COL6A1: variants seen among roughly 807,000 people sequenced by gnomAD.
The protein encoded by COL6A1 is collagen type VI alpha 1 chain.
In COL6A1, 80 loss-of-function variants were observed where a neutral mutation model predicts 145.6. The ratio of observed to expected loss-of-function variants is 0.55; its 90% CI spans 0.46 to 0.66. The LOEUF (loss-of-function observed/expected upper bound fraction) is 0.66, where lower values mean the gene tolerates loss of function less well. Among genes scored for constraint, COL6A1 ranks in the 30% least tolerant of loss-of-function variants. COL6A1 has a pLI of 0.00. For missense variants in COL6A1, 1,364 were observed against 1,473.8 expected (o/e 0.93, Z 1.22); for synonymous variants, 638 against 622.8 (o/e 1.02, Z -0.36).
At chr21:45,983,659 G>T (rs941393358) in intron 2 of COL6A1, among the ~76,000 whole-genome samples, 1 of 102,662 alleles carries the variant, frequency 9.7e-6, no homozygotes, top group Non-Finnish European at 1.8e-5. Flanking sequence ...GGCAGTGTTT[G>T]GGGGGGGGTC....
intron 8 of COL6A1, 144 bp downstream of exon 8, chr21:45,987,798 A>C: frequency 2.4e-6 from 1 of 417,198 alleles, no homozygotes; most frequent in Non-Finnish European, 3.9e-6. Flanking sequence ...GCGGGGGTCC[A>C]GATGGAGGGG....
At chr21:45,982,255 C>T (rs1200664118) in intron 1 of COL6A1, among the ~76,000 whole-genome samples, 1 of 152,088 alleles carries the variant, frequency 6.6e-6, no homozygotes, top group Non-Finnish European at 1.5e-5. Context: ...TTTGACCCCT[C>T]ACCTGGCAGT....
chr21:46,000,935 G>C, intron 29 of COL6A1, 168 bp downstream of exon 29: 1 of 911,952 alleles, frequency 1.1e-6, no homozygotes, highest in East Asian at 2.5e-5. Flanking sequence ...AGGGTTCCCG[G>C]GTGTTGGGCT....
chr21:45,981,802 C>T lies in COL6A1; in HGVS notation c.-49C>T, dbSNP rs772148858. 48 of 1,431,318 alleles carry T rather than the reference C, an allele frequency of 3.4e-5. No homozygotes were observed. The highest frequency in any genetic ancestry group is 8.1e-5 in the Admixed American group (4 of 49,592). The allele number at this position is 1,431,318 out of a possible 1,614,324, so 88.7% of individuals were successfully genotyped here. A position where few individuals can be genotyped will look rare whatever the true frequency, so the allele number is the denominator to read the frequency against. On this transcript the variant is annotated 5_prime_UTR_variant, in exon 1 of 35. Coordinates refer to ENST00000361866, the MANE Select transcript of COL6A1 (RefSeq NM_001848.3). Reference sequence around the variant, plus strand: ...AGCCTCGGTCTCTGGGCGGCGGCGGCGGCCCACTCTGCCCTGGCCGCGCTG... The same window carrying T: ...AGCCTCGGTCTCTGGGCGGCGGCGGTGGCCCACTCTGCCCTGGCCGCGCTG...
In COL6A1 at chr21:45,990,977, A is replaced by G; in HGVS notation, c.1057-2A>G. 6.2e-7 allele frequency: 1 copy of G among 1,613,424 alleles called. No homozygotes were observed. The highest frequency in any genetic ancestry group is 8.5e-7 in the Non-Finnish European group (1 of 1,179,974). The stretch of plus-strand genomic sequence containing the variant: ...GGTGTCATGCTGCCCTCTTTTCTCC[A>G]GGGCATTCAAGGACCCCCTGGCCCC... On this transcript the variant is annotated splice_acceptor_variant, in intron 14 of 34. Transcript: ENST00000361866. LOFTEE classifies it high-confidence loss of function.
intron 3 of COL6A1, among the ~76,000 whole-genome samples, chr21:45,986,248 GCGCCCC>G (rs1256263237): frequency 1.3e-5 from 2 of 152,204 alleles, no homozygotes; most frequent in Non-Finnish European, 2.9e-5. Context: ...CAGGGGCTTT[GCGCCCC>G]AGGGCACCCC....
chr21:45,991,185 A>G, intron 15 of COL6A1, 144 bp downstream of exon 15: 1 of 890,130 alleles, frequency 1.1e-6, no homozygotes, highest in Non-Finnish European at 1.8e-6. Flanking sequence ...TGGAGGCTGG[A>G]GGCAGGCAGA....
chr21:45,990,171 AG>A, intron 11 of COL6A1, 86 bp from the exon 12 acceptor site: 1 of 1,526,132 alleles, frequency 6.6e-7, no homozygotes. Context: ...GGGGCACCCA[AG>A]CCCCTGCCTC....
intron 2 of COL6A1, among the ~76,000 whole-genome samples, chr21:45,983,007 C>T (rs1279815702): frequency 6.7e-6 from 1 of 149,142 alleles, no homozygotes; most frequent in Non-Finnish European, 1.5e-5. Flanking sequence ...AGACCCTGCT[C>T]GCGGGGGTGG....
At chr21:46,002,162 C>T in intron 31 of COL6A1, 56 bp from the exon 32 acceptor site, 1 of 1,570,752 alleles carries the variant, frequency 6.4e-7, no homozygotes, top group Non-Finnish European at 8.6e-7. Context: ...CCCAGGTGGG[C>T]TCGGCCCCGC....
At chr21:45,992,703 A>G in intron 18 of COL6A1, 45 bp from the exon 19 acceptor site, 4 of 1,539,728 alleles carry the variant, frequency 2.6e-6, no homozygotes, top group Non-Finnish European at 3.5e-6. Flanking sequence ...GCTGGGTGTG[A>G]GTTCCAGCAG....
In COL6A1 at chr21:45,992,658, G is replaced by C. The variant is rs1037010129; in HGVS notation, c.1273-90G>C. On this transcript the variant is annotated intron_variant, in intron 18 of 34. Coordinates refer to ENST00000361866, the MANE Select transcript of COL6A1 (RefSeq NM_001848.3). Reference sequence around the variant, plus strand: ...GCCCCTCCCAGGGGTCCTGCTGGGGGAGTCAGTCCAGGCCAGGCCTCAAGC... The same window carrying C: ...GCCCCTCCCAGGGGTCCTGCTGGGGCAGTCAGTCCAGGCCAGGCCTCAAGC... The C allele has an allele frequency of 3.0e-6, 4 of 1,326,212 alleles. No homozygotes were observed. The South Asian group carries it at 3.8e-5, about 13-fold the overall frequency. The allele number at this position is 1,326,212 out of a possible 1,614,324, so 82.2% of individuals were successfully genotyped here.
At position 45,986,613 on chromosome 21, in the gene COL6A1, G is replaced by A. The variant is rs1346037219; in HGVS notation, c.516G>A (p.Leu172=). 1 of 1,557,102 alleles carries A rather than the reference G, an allele frequency of 6.4e-7. No homozygotes were observed. The change falls in exon 4 of 35, where the codon CTG becomes CTA. Residue 172 remains leucine, a synonymous_variant. Transcript: ENST00000361866. ...LEGYKEPCGG[L]EDAVNEAKHL... ...GCTACAAGGAACCCTGTGGGGGGCT[G>A]GAGGATGCTGTGAACGAGGCCAAGC...
At chr21:45,984,153 G>A in intron 2 of COL6A1, 116 bp from the exon 3 acceptor site, 2 of 1,066,012 alleles carry the variant, frequency 1.9e-6, no homozygotes, top group South Asian at 2.7e-5. Flanking sequence ...CCAGCTGTGT[G>A]TCAGCCACGG....
At position 45,998,745 on chromosome 21, in the gene COL6A1, G is replaced by A. The variant is rs190955409; in HGVS notation, c.1612-152G>A. 2.1e-4 allele frequency: 226 copies of A among 1,062,704 alleles called. 1 individual carries two copies. In the African/African-American group the frequency reaches 3.0e-3, roughly 14 times the overall value. 65.8% of individuals were successfully genotyped at this position (1,062,704 alleles called of 1,614,324 possible). A position where few individuals can be genotyped will look rare whatever the true frequency, so the allele number is the denominator to read the frequency against. ...GCCCCACGGCTCTCTAGGCCACTCC[G>A]GGACCCAGTTTCTCCAGCCCAGGAA... On this transcript the variant is annotated intron_variant, in intron 24 of 34. Transcript: ENST00000361866.
chr21:45,984,559 C>A, intron 3 of COL6A1, 90 bp downstream of exon 3: 1 of 1,225,448 alleles, frequency 8.2e-7, no homozygotes, highest in Non-Finnish European at 1.2e-6. Flanking sequence ...TGTGCGGCTT[C>A]AGCTGCAGCC....
Position 45,987,163 on chromosome 21 carries a change from C to G in COL6A1, c.726C>G (p.Asn242Lys). Residue 242 changes from asparagine to lysine, a missense_variant, in exon 6 of 35, where the codon AAC (asparagine) becomes AAG (lysine). Physicochemically the swap from Asn to Lys is moderately conservative, Grantham distance 94. This residue lies in a region of COL6A1 where 414 missense variants were observed against 437.6 expected (regional missense o/e 0.95). Transcript: ENST00000361866. ...IDTIVDMIKNNVEQVCCSFEC... is the reference protein window; with the variant it reads ...IDTIVDMIKNKVEQVCCSFEC... ...TCCATTTCTCTTTCCAGAAAAATAA[C>G]GTGGAGCAAGTGGTAAGAGCCCTCC... The G allele has an allele frequency of 6.3e-7, 1 of 1,598,344 alleles. No homozygotes were observed. Among genetic ancestry groups the G allele is most frequent in the Non-Finnish European group, 8.5e-7 (1 of 1,176,630 alleles).
chr21:45,992,699 T>A (rs775147583), intron 18 of COL6A1, 49 bp from the exon 19 acceptor site: 6 of 1,524,210 alleles, frequency 3.9e-6, no homozygotes, highest in Non-Finnish European at 5.4e-6. Context: ...CCCAGCTGGG[T>A]GTGAGTTCCA....
chr21:46,004,010 C>T lies in COL6A1; in HGVS notation c.3084C>T (p.Gly1028=). The T allele has an allele frequency of 6.2e-7, 1 of 1,613,104 alleles. No individual in the cohort carries two copies. The highest frequency in any genetic ancestry group is 1.3e-5 in the African/African-American group (1 of 75,084). ...CAGTCTCCAGGAAGGTGGCGCTGGGCTAGCCCACCCTGCACGCCGGCACCA... is the reference window on the plus strand; with the variant it reads ...CAGTCTCCAGGAAGGTGGCGCTGGGTTAGCCCACCCTGCACGCCGGCACCA... ...HQTVSRKVAL[G] is the part of the protein sequence containing the mutation. The change falls in exon 35 of 35, where the codon GGC becomes GGT. Residue 1028 remains glycine (G), a synonymous_variant. Transcript: ENST00000361866.
Sources: gnomAD v4.1 joint callset for allele counts (sites outside exome capture counted in the v4.1 genomes callset) on GRCh38, gnomAD v4.1.1 for gene constraint, gnomAD v4.1.1 regional missense constraint, MANE v1.5 for transcripts, NCBI Gene and HGNC (gene_info 2026-07-23, HGNC 2026-07-21) for gene names.